The following RIPOR2 variants were observed in gnomAD, a reference collection of about 807,000 sequenced individuals.
RIPOR2 encodes the protein RHO family interacting cell polarization regulator 2.
In RIPOR2, 39 loss-of-function variants were observed where a neutral mutation model predicts 114.5. The ratio of observed to expected loss-of-function variants is 0.34; its 90% CI spans 0.26 to 0.44. The LOEUF is 0.44. Ranked by LOEUF, RIPOR2 falls within the 20% of genes least tolerant of loss-of-function variation. RIPOR2 has a pLI of 1.00. For missense variants in RIPOR2, 1,007 were observed against 1,255.1 expected (o/e 0.80, Z 2.99); for synonymous variants, 445 against 484.4 (o/e 0.92, Z 1.07).
chr6:24,806,354 T>C lies in RIPOR2; in HGVS notation c.*19A>G. 6.7e-7 allele frequency: 1 copy of C among 1,481,702 alleles called. No homozygotes were observed. Among genetic ancestry groups the C allele is most frequent in the Non-Finnish European group, 9.2e-7 (1 of 1,083,004 alleles). 91.8% of individuals were successfully genotyped at this position (1,481,702 alleles called of 1,614,324 possible). ...AAAGGGCCAGATATTAAGACAGCTG[T>C]TAGGCAGTTAACCTGTAATTAAAAG... On this transcript the variant is annotated 3_prime_UTR_variant, in exon 22 of 22. Coordinates refer to ENST00000643898, the MANE Select transcript of RIPOR2 (RefSeq NM_001286445.3).
intron 1 of RIPOR2, among the ~76,000 whole-genome samples, chr6:24,966,752 G>A (rs1049720012): frequency 1.3e-5 from 2 of 152,192 alleles, no homozygotes; most frequent in African/African-American, 4.8e-5. Flanking sequence ...CAGCCAGGGG[G>A]AGAATAAGGA....
intron 8 of RIPOR2, among the ~76,000 whole-genome samples, chr6:24,857,291 TTG>T (rs1763565937): frequency 6.6e-6 from 1 of 152,124 alleles, no homozygotes. Flanking sequence ...TCTTGACAGT[TTG>T]TGATTACCAG....
At chr6:24,830,185 C>T (rs113953862) in intron 17 of RIPOR2, among the ~76,000 whole-genome samples, 3 of 152,202 alleles carry the variant, frequency 2.0e-5, no homozygotes, top group African/African-American at 4.8e-5. Context: ...AGGCTGGTCT[C>T]GAACTCCTGA....
intron 1 of RIPOR2, among the ~76,000 whole-genome samples, chr6:24,964,244 T>C (rs1773430687): frequency 6.6e-6 from 1 of 151,926 alleles, no homozygotes; most frequent in African/African-American, 2.4e-5. Context: ...GATGGAGAAT[T>C]GTTCCATCGC....
chr6:24,885,296 C>A (rs1366547423), intron 1 of RIPOR2, among the ~76,000 whole-genome samples: 3 of 152,122 alleles, frequency 2.0e-5, no homozygotes, highest in South Asian at 4.1e-4. Flanking sequence ...AGTCATAGCT[C>A]ACTGCAGCCT....
At chr6:24,950,901 A>G (rs1772716462) in intron 1 of RIPOR2, among the ~76,000 whole-genome samples, 1 of 152,228 alleles carries the variant, frequency 6.6e-6, no homozygotes, top group African/African-American at 2.4e-5. Context: ...CAGTCCAGGC[A>G]TTAGACTTGC....
intron 1 of RIPOR2, among the ~76,000 whole-genome samples, chr6:25,026,382 A>G (rs2113735228): frequency 6.6e-6 from 1 of 152,282 alleles, no homozygotes; most frequent in Middle Eastern, 3.4e-3. Flanking sequence ...TCACATAGAG[A>G]TGGTTTTAAG....
At chr6:25,016,465 C>G (rs950406152) in intron 1 of RIPOR2, among the ~76,000 whole-genome samples, 1 of 152,194 alleles carries the variant, frequency 6.6e-6, no homozygotes, top group African/African-American at 2.4e-5. Flanking sequence ...GCTGTATGTT[C>G]AGTTTTCATG....
At chr6:24,834,493 T>A (rs1439672180) in intron 15 of RIPOR2, among the ~76,000 whole-genome samples, 3 of 152,142 alleles carry the variant, frequency 2.0e-5, no homozygotes, top group Non-Finnish European at 4.4e-5. Flanking sequence ...TTTCTTTTTT[T>A]AATGAGGCCT....
chr6:25,039,601 T>TA (rs1261059601), intron 1 of RIPOR2, among the ~76,000 whole-genome samples: 42 of 152,354 alleles, frequency 2.8e-4, no homozygotes, highest in African/African-American at 9.9e-4. Context: ...ATTTCTGTAG[T>TA]AAAGCAGGCT....
intron 1 of RIPOR2, among the ~76,000 whole-genome samples, chr6:24,986,140 G>C (rs1327481163): frequency 6.6e-6 from 1 of 152,138 alleles, no homozygotes; most frequent in East Asian, 1.9e-4. Context: ...ACTACATACT[G>C]GGCCCTGTTT....
At chr6:24,973,255 G>A (rs1334967786) in intron 1 of RIPOR2, among the ~76,000 whole-genome samples, 1 of 152,140 alleles carries the variant, frequency 6.6e-6, no homozygotes, top group East Asian at 1.9e-4. Flanking sequence ...CTCAAAGAAT[G>A]TAGAACAACA....
chr6:25,004,185 A>G (rs1775445002), intron 1 of RIPOR2, among the ~76,000 whole-genome samples: 1 of 152,220 alleles, frequency 6.6e-6, no homozygotes, highest in African/African-American at 2.4e-5. Context: ...AAAATACCTA[A>G]CAACCACAAT....
In RIPOR2 at chr6:24,865,589, G is replaced by A; in HGVS notation, c.502-139C>T. ...TGTAGAAGTATTATCCTTTTAGATA[G>A]GGACCAATCGTTTTTATTGTAGCCA... On this transcript the variant is annotated intron_variant, in intron 6 of 21. Coordinates refer to ENST00000643898, the MANE Select transcript of RIPOR2 (RefSeq NM_001286445.3). The A allele has an allele frequency of 5.9e-6, 4 of 673,742 alleles. No homozygotes were observed. In the South Asian group the frequency reaches 8.4e-5, roughly 14 times the overall value. The allele number at this position is 673,742 out of a possible 1,614,324, so 41.7% of individuals were successfully genotyped here. A position where few individuals can be genotyped will look rare whatever the true frequency, so the allele number is the denominator to read the frequency against.
chr6:24,983,381 C>A (rs545260714), intron 1 of RIPOR2, among the ~76,000 whole-genome samples: 79 of 152,136 alleles, frequency 5.2e-4, no homozygotes, highest in African/African-American at 1.9e-3. Flanking sequence ...ATCATACAAG[C>A]TTTGGAATCT....
At chr6:25,008,538 GT>G (rs1283692575) in intron 1 of RIPOR2, among the ~76,000 whole-genome samples, 1 of 152,236 alleles carries the variant, frequency 6.6e-6, no homozygotes, top group African/African-American at 2.4e-5. Context: ...GTTAAGCCTT[GT>G]AAGATCCATT....
chr6:24,856,143 T>A (rs907828378), intron 8 of RIPOR2, among the ~76,000 whole-genome samples: 2 of 142,112 alleles, frequency 1.4e-5, no homozygotes, highest in African/African-American at 5.5e-5. Context: ...CCCCGGATGC[T>A]TAAAAAAGAA....
intron 1 of RIPOR2, among the ~76,000 whole-genome samples, chr6:24,909,522 T>C (rs1769337014): frequency 6.6e-6 from 1 of 151,788 alleles, no homozygotes; most frequent in African/African-American, 2.4e-5. Context: ...AGGAGGTGGG[T>C]ACACTCTCAG....
chr6:24,965,073 C>T (rs1370593928), intron 1 of RIPOR2, among the ~76,000 whole-genome samples: 1 of 151,890 alleles, frequency 6.6e-6, no homozygotes, highest in Non-Finnish European at 1.5e-5. Context: ...CTCTATCTTC[C>T]ATATCTTTTA....
Sources: gnomAD v4.1 joint callset for allele counts (sites outside exome capture counted in the v4.1 genomes callset) on GRCh38, gnomAD v4.1.1 for gene constraint, MANE v1.5 for transcripts, NCBI Gene and HGNC (gene_info 2026-07-23, HGNC 2026-07-21) for gene names.